The following CSTL1 variants were observed in gnomAD, a reference collection of about 807,000 sequenced individuals.
CSTL1 encodes the protein cystatin-like 1.
Under a neutral mutation model 14.4 loss-of-function variants are expected in CSTL1, and 14 were observed. The observed-to-expected ratio is 0.97, with a 90% CI of 0.64 to 1.52. The LOEUF is 1.52. Ranked by LOEUF, CSTL1 falls within the 40% of genes most tolerant of loss-of-function variation. CSTL1 has a pLI of 0.00. For synonymous variants in CSTL1, 72 were observed against 67.5 expected (o/e 1.07, Z -0.33); for missense variants, 170 against 168.7 (o/e 1.01, Z -0.04).
intron 2 of CSTL1, among the ~76,000 whole-genome samples, chr20:23,441,852 T>C (rs940052283): frequency 6.6e-6 from 1 of 152,154 alleles, no homozygotes; most frequent in African/African-American, 2.4e-5. Flanking sequence ...CACAACTGGC[T>C]ATGGGAAAGC....
the CSTL1 span, among the ~76,000 whole-genome samples, chr20:23,455,557 T>C: frequency 6.6e-6 from 1 of 152,168 alleles, no homozygotes; most frequent in Non-Finnish European, 1.5e-5. Flanking sequence ...CTCCTGTCAA[T>C]GTCTGTGGGG....
downstream of CSTL1, among the ~76,000 whole-genome samples, chr20:23,449,914 C>A (rs1462456790): frequency 6.6e-6 from 1 of 152,086 alleles, no homozygotes; most frequent in Non-Finnish European, 1.5e-5. Context: ...TGCAAGGGGG[C>A]AGAAGTCTAA....
At chr20:23,456,550 T>C in the CSTL1 span, among the ~76,000 whole-genome samples, 4 of 152,080 alleles carry the variant, frequency 2.6e-5, no homozygotes, top group Non-Finnish European at 1.5e-5. Flanking sequence ...TGTTCTGGGG[T>C]CCCTTCCTGC....
chr20:23,459,498 C>G, the CSTL1 span: 1 of 152,150 alleles, frequency 6.6e-6, no homozygotes. Flanking sequence ...TTCTGTATTT[C>G]TGACAAGTAG....
At chr20:23,441,207 T>C (rs946866407) in intron 2 of CSTL1, among the ~76,000 whole-genome samples, 4 of 152,216 alleles carry the variant, frequency 2.6e-5, no homozygotes, top group East Asian at 3.8e-4. Context: ...ATTTTTTCAA[T>C]GTGTAGGGTT....
chr20:23,460,641 T>G, the CSTL1 span, among the ~76,000 whole-genome samples: 1 of 152,150 alleles, frequency 6.6e-6, no homozygotes, highest in African/African-American at 2.4e-5. Context: ...GGTTCAAAAT[T>G]TAAAGGGAAA....
chr20:23,445,174 C>T (rs13037787), downstream of CSTL1, among the ~76,000 whole-genome samples: 41,363 of 151,694 alleles, frequency 0.27, 6,477 homozygotes, highest in Admixed American at 0.35. Context: ...CTCGCACACA[C>T]ATTCAGTGGT....
the CSTL1 span, among the ~76,000 whole-genome samples, chr20:23,455,103 C>G: frequency 6.6e-6 from 1 of 152,192 alleles, no homozygotes; most frequent in East Asian, 1.9e-4. Flanking sequence ...AGAACAGAAG[C>G]CAGCTCTGAG....
At chr20:23,459,749 A>C in the CSTL1 span, among the ~76,000 whole-genome samples, 1 of 152,236 alleles carries the variant, frequency 6.6e-6, no homozygotes, top group African/African-American at 2.4e-5. Context: ...GCTCAAAAAC[A>C]TGTTGGATGA....
chr20:23,452,665 C>T, the CSTL1 span: 5 of 1,614,152 alleles, frequency 3.1e-6, no homozygotes, highest in South Asian at 5.5e-5. Flanking sequence ...CGGTGATCCA[C>T]TGCAAGCTGT....
chr20:23,447,070 C>A (rs1241346567), downstream of CSTL1, among the ~76,000 whole-genome samples: 2 of 152,204 alleles, frequency 1.3e-5, no homozygotes, highest in Admixed American at 6.5e-5. Context: ...TGGCCTGCTG[C>A]CCACATTATC....
the CSTL1 span, chr20:23,451,728 A>C: frequency 1.2e-4 from 117 of 958,546 alleles, 2 homozygotes; most frequent in South Asian, 1.7e-3. Context: ...AGTAAATTCC[A>C]ATTAATTCTT....
chr20:23,460,805 C>T, the CSTL1 span, among the ~76,000 whole-genome samples: 1 of 152,062 alleles, frequency 6.6e-6, no homozygotes, highest in Non-Finnish European at 1.5e-5. Flanking sequence ...TTTGGGGCCC[C>T]AAGCTCATTT....
the CSTL1 span, among the ~76,000 whole-genome samples, chr20:23,455,838 C>T: frequency 6.6e-6 from 1 of 152,244 alleles, no homozygotes; most frequent in South Asian, 2.1e-4. Flanking sequence ...CTTCCTGTCG[C>T]CCACTTGCCC....
Position 23,444,906 on chromosome 20 carries a change from G to C in CSTL1, c.*28G>C, listed in dbSNP as rs372757441. 1 of 1,447,046 alleles carries C rather than the reference G, an allele frequency of 6.9e-7. No individual in the cohort carries two copies. Among genetic ancestry groups the C allele is most frequent in the Non-Finnish European group, 9.7e-7 (1 of 1,027,884 alleles). The allele number at this position is 1,447,046 out of a possible 1,614,324, so 89.6% of individuals were successfully genotyped here. A position where few individuals can be genotyped will look rare whatever the true frequency, so the allele number is the denominator to read the frequency against. ...GCTCATATGATTGAGTTGTGCACTG[G>C]CTGTTATTAAACTGTAAAGGATCAT... On this transcript the variant is annotated 3_prime_UTR_variant, in exon 4 of 4. Coordinates refer to ENST00000347397, the MANE Select transcript of CSTL1 (RefSeq NM_138283.1).
chr20:23,442,069 G>A (rs918050251), intron 2 of CSTL1, among the ~76,000 whole-genome samples: 1 of 152,248 alleles, frequency 6.6e-6, no homozygotes, highest in African/African-American at 2.4e-5. Context: ...CCCCAAGGAG[G>A]CTTGCCTTGT....
chr20:23,441,559 C>A (rs915603127), intron 2 of CSTL1, among the ~76,000 whole-genome samples: 3 of 152,158 alleles, frequency 2.0e-5, no homozygotes, highest in Non-Finnish European at 4.4e-5. Context: ...TCCACATAAC[C>A]TATGCACATC....
the CSTL1 span, among the ~76,000 whole-genome samples, chr20:23,456,454 A>G: frequency 6.6e-6 from 1 of 152,150 alleles, no homozygotes; most frequent in Non-Finnish European, 1.5e-5. Flanking sequence ...CAGAACGAGC[A>G]GAGAAGGAAG....
chr20:23,450,667 C>T, the CSTL1 span: 29 of 1,065,108 alleles, frequency 2.7e-5, no homozygotes, highest in Admixed American at 1.3e-4. Flanking sequence ...ATGTAAGACA[C>T]GAAGATGGAG....
Sources: allele counts gnomAD v4.1 joint callset (sites outside exome capture counted in the v4.1 genomes callset), GRCh38; gene constraint gnomAD v4.1.1; transcripts MANE v1.5; gene names NCBI Gene and HGNC (gene_info 2026-07-23, HGNC 2026-07-21).